The following NSDHL variants were observed in gnomAD, a reference collection of about 807,000 sequenced individuals.
NSDHL encodes NAD(P) dependent 3-beta-hydroxysteroid dehydrogenase NSDHL, also known as sterol-4-alpha-carboxylate 3-dehydrogenase, decarboxylating.
Under a neutral mutation model 23.0 loss-of-function variants are expected in NSDHL, and 1 was observed. The ratio of observed to expected loss-of-function variants is 0.04; its 90% CI spans 0.02 to 0.21. The LOEUF (loss-of-function observed/expected upper bound fraction) is 0.21, where lower values mean the gene tolerates loss of function less well. Among genes scored for constraint, NSDHL ranks in the 10% least tolerant of loss-of-function variants. NSDHL has a pLI of 1.00. For synonymous variants in NSDHL, 128 were observed against 121.1 expected, an observed-to-expected ratio of 1.06 and a Z score of -0.37; for missense variants, 237 against 300.9, an observed-to-expected ratio of 0.79 and a Z score of 1.57.
In NSDHL at chrX:152,839,612, T is replaced by G. The variant is rs782380684; in HGVS notation, c.-43-6670T>G. Among the ~76,000 whole-genome samples the G allele has an allele frequency of 3.5e-5, 4 of 112,761 alleles. No individual in the cohort carries two copies. The South Asian group carries it at 1.4e-3, about 41-fold the overall frequency. On this transcript the variant is annotated intron_variant, in intron 1 of 7. Coordinates refer to ENST00000370274, the MANE Select transcript of NSDHL (RefSeq NM_015922.3). ...GGTTGAAAATTCTTTTCTTTAAGAA[T>G]GTTGAATATTGGCTCCCACTCTCTT...
At chrX:152,834,434 A>G (rs1556843804) in intron 1 of NSDHL, among the ~76,000 whole-genome samples, 1 of 113,084 alleles carries the variant, frequency 8.8e-6, no homozygotes, top group Admixed American at 9.3e-5. Context: ...GTGGAAGGAC[A>G]AGGTCAAGCT....
At chrX:152,841,432 C>G (rs1474389054) in intron 1 of NSDHL, among the ~76,000 whole-genome samples, 1 of 112,267 alleles carries the variant, frequency 8.9e-6, no homozygotes, top group Non-Finnish European at 1.9e-5. Flanking sequence ...CTATTCGGCC[C>G]TCTTGGAATG....
rs1933658438 is a variant in NSDHL, at chrX:152,868,913, C to G, written c.919C>G (p.Leu307Val). 3 of 1,212,134 alleles carry G rather than the reference C, an allele frequency of 2.5e-6. No individual in the cohort carries two copies. Among genetic ancestry groups the G allele is most frequent in the East Asian group, 3.0e-5 (1 of 33,848 alleles). ...GGTGGCCTACTACCTGGCCCTCCTG[C>G]TATCCCTGCTGGTGATGGTGATCAG... is the stretch of plus-strand genomic sequence containing the variant. The part of the protein sequence containing the change: ...YWVAYYLALL[L>V]SLLVMVISPV... The change falls in exon 8 of 8, where the codon CTA (leucine) becomes GTA (valine). Residue 307 changes from leucine (L) to valine (V), a missense_variant. Around this residue, in one of 3 missense-constraint regions of NSDHL, gnomAD observed 117 missense variants for 99.5 expected, o/e 1.18. Transcript: ENST00000370274.
chrX:152,868,917 C>A lies in NSDHL; in HGVS notation c.923C>A (p.Ser308Tyr), dbSNP rs781930348. The A allele has an allele frequency of 8.2e-7, 1 of 1,212,135 alleles. No individual in the cohort carries two copies. Residue 308 changes from serine to tyrosine, a missense_variant, in exon 8 of 8, where the codon TCC (serine) becomes TAC (tyrosine). By Grantham distance (144) the Ser-to-Tyr change is moderately radical. Around this residue, in one of 3 missense-constraint regions of NSDHL, gnomAD observed 117 missense variants for 99.5 expected, o/e 1.18. Transcript: ENST00000370274. ...GCCTACTACCTGGCCCTCCTGCTAT[C>A]CCTGCTGGTGATGGTGATCAGTCCT... is the stretch of plus-strand genomic sequence containing the variant. ...WVAYYLALLL[S>Y]LLVMVISPVI... is the part of the protein sequence containing the mutation.
At chrX:152,855,455 G>T (rs1232504907) in intron 3 of NSDHL, among the ~76,000 whole-genome samples, 3 of 111,857 alleles carry the variant, frequency 2.7e-5, no homozygotes, top group Non-Finnish European at 5.6e-5. Flanking sequence ...AGTCTATAGA[G>T]AATATATCTG....
In NSDHL at chrX:152,869,519, G is replaced by C; in HGVS notation, c.*403G>C. 1 of 225,664 alleles carries C rather than the reference G, an allele frequency of 4.4e-6. No homozygotes were observed. 18.6% of individuals were successfully genotyped at this position (225,664 alleles called of 1,213,427 possible). A position where few individuals can be genotyped will look rare whatever the true frequency, so the allele number is the denominator to read the frequency against. On this transcript the variant is annotated 3_prime_UTR_variant, in exon 8 of 8. Transcript: ENST00000370274. ...CATTTCCATGCAGACCAATACTAGA[G>C]TGAAGCCTCTAGACTTTGTTCAAGA...
chrX:152,867,557 T>C lies in NSDHL; in HGVS notation c.687-14T>C. 2 of 1,153,372 alleles carry C rather than the reference T, an allele frequency of 1.7e-6. No individual in the cohort carries two copies. Among genetic ancestry groups the C allele is most frequent in the African/African-American group, 1.8e-5 (1 of 56,849 alleles). ...CTCCCAGCACGTATTCCATCATCCC[T>C]TGTGCACCTGCAGAAATGGGAAGAA... On this transcript the variant is annotated splice_polypyrimidine_tract_variant and intron_variant, in intron 6 of 7. Transcript: ENST00000370274.
chrX:152,867,616 C>G lies in NSDHL; in HGVS notation c.732C>G (p.Val244=). ...ACTTCACCTTTGTGGAGAACGTGGT[C>G]CATGGACACATCCTGGCGGCAGAGC... The part of the protein sequence containing the change: ...LVDFTFVENV[V]HGHILAAEQL... Residue 244 remains valine, a synonymous_variant, in exon 7 of 8, where the codon GTC becomes GTG. Transcript: ENST00000370274. The G allele has an allele frequency of 8.3e-7, 1 of 1,210,663 alleles. No homozygotes were observed. The highest frequency in any genetic ancestry group is 1.1e-6 in the Non-Finnish European group (1 of 894,315).
At chrX:152,842,125 A>G (rs1384295742) in intron 1 of NSDHL, among the ~76,000 whole-genome samples, 6 of 112,286 alleles carry the variant, frequency 5.3e-5, no homozygotes, top group African/African-American at 6.5e-5. Context: ...CAGTGGACAC[A>G]TTGCTGCTCC....
chrX:152,861,179 C>T (rs1933522500), intron 4 of NSDHL, among the ~76,000 whole-genome samples: 1 of 112,794 alleles, frequency 8.9e-6, no homozygotes, highest in Admixed American at 9.4e-5. Context: ...GTGTTGCTTT[C>T]CACATTTCAG....
intron 4 of NSDHL, among the ~76,000 whole-genome samples, chrX:152,860,030 T>G (rs1933502171): frequency 8.9e-6 from 1 of 111,918 alleles, no homozygotes; most frequent in Admixed American, 9.5e-5. Flanking sequence ...CAGGGATGCA[T>G]GCCACAGGTA....
chrX:152,837,381 A>G (rs1468919946), intron 1 of NSDHL, among the ~76,000 whole-genome samples: 21 of 111,614 alleles, frequency 1.9e-4, no homozygotes, highest in Non-Finnish European at 3.4e-4. Flanking sequence ...GCCAGTTTTC[A>G]AAGGGAATGC....
chrX:152,836,656 G>A (rs920064291), intron 1 of NSDHL, among the ~76,000 whole-genome samples: 6 of 111,860 alleles, frequency 5.4e-5, no homozygotes, highest in Admixed American at 1.9e-4. Flanking sequence ...TGTTCCATTG[G>A]TCTATATCTC....
At chrX:152,863,376 T>C (rs1933557367) in intron 5 of NSDHL, among the ~76,000 whole-genome samples, 1 of 111,297 alleles carries the variant, frequency 9.0e-6, no homozygotes, top group Non-Finnish European at 1.9e-5. Flanking sequence ...GCAGTCTGTC[T>C]ACAGAGCTTA....
chrX:152,862,412 A>T, intron 4 of NSDHL, among the ~76,000 whole-genome samples, 184 bp from the exon 5 acceptor site: 1 of 112,625 alleles, frequency 8.9e-6, no homozygotes, highest in East Asian at 2.8e-4. Context: ...GCTGCAAAAG[A>T]TGGTGATCTT....
intron 2 of NSDHL, among the ~76,000 whole-genome samples, chrX:152,849,298 G>T (rs1395870976): frequency 8.9e-6 from 1 of 112,002 alleles, no homozygotes; most frequent in South Asian, 3.8e-4. Context: ...TGGATTTACT[G>T]TATATGAGCT....
chrX:152,854,561 C>T (rs1426035621), intron 3 of NSDHL, among the ~76,000 whole-genome samples: 11 of 109,879 alleles, frequency 1.0e-4, no homozygotes, highest in African/African-American at 1.7e-4. Flanking sequence ...AGGTGCCCAC[C>T]GCCACACCCG....
chrX:152,857,852 A>G (rs1394668216), intron 3 of NSDHL, among the ~76,000 whole-genome samples: 1 of 111,035 alleles, frequency 9.0e-6, no homozygotes, highest in Non-Finnish European at 1.9e-5. Context: ...ACTGGTTTCA[A>G]AAAAAAAATC....
At chrX:152,841,056 C>G (rs1006524525) in intron 1 of NSDHL, among the ~76,000 whole-genome samples, 1 of 112,972 alleles carries the variant, frequency 8.9e-6, no homozygotes, top group Non-Finnish European at 1.9e-5. Context: ...ACAGGTGGAT[C>G]TCAGACTGCT....
Sources: gnomAD v4.1 joint callset for allele counts (sites outside exome capture counted in the v4.1 genomes callset) on GRCh38, gnomAD v4.1.1 for gene constraint, gnomAD v4.1.1 regional missense constraint, MANE v1.5 for transcripts, NCBI Gene and HGNC (gene_info 2026-07-23, HGNC 2026-07-21) for gene names.